RBFOX1: variants seen among roughly 807,000 people sequenced by gnomAD.
RBFOX1 encodes the protein RNA binding fox-1 homolog 1.
Under a neutral mutation model 57.7 loss-of-function variants are expected in RBFOX1, and 8 were observed. That is an observed-to-expected ratio of 0.14 (90% CI 0.08 to 0.25). The LOEUF (loss-of-function observed/expected upper bound fraction) is 0.25, where lower values mean the gene tolerates loss of function less well. RBFOX1 is among the 10% of genes least tolerant of loss of function. The probability of loss-of-function intolerance (pLI) is 1.00; values close to 1 mark genes in which losing one functional copy is unlikely to be tolerated. For synonymous variants in RBFOX1, 326 were observed against 222.4 expected, an observed-to-expected ratio of 1.47 and a Z score of -4.15; for missense variants, 611 against 548.5, an observed-to-expected ratio of 1.11 and a Z score of -1.14.
intron 1 of RBFOX1, among the ~76,000 whole-genome samples, chr16:6,122,613 C>A (rs2096559315): frequency 6.6e-6 from 1 of 152,166 alleles, no homozygotes; most frequent in Admixed American, 6.5e-5. Context: ...CACCCGCTCC[C>A]CATTAATGAT....
chr16:7,304,625 A>T (rs1354305982), intron 4 of RBFOX1: 4 of 974,502 alleles, frequency 4.1e-6, no homozygotes, highest in Non-Finnish European at 2.4e-6. Context: ...GGGTGGATGG[A>T]AGCCTCCTGC....
intron 2 of RBFOX1, among the ~76,000 whole-genome samples, chr16:5,560,875 C>A (rs1275164790): frequency 6.6e-6 from 1 of 152,188 alleles, no homozygotes; most frequent in African/African-American, 2.4e-5. Flanking sequence ...CTGAAGGCAG[C>A]CCTGGTGCCT....
chr16:6,682,117 C>T (rs2058738472), intron 3 of RBFOX1, among the ~76,000 whole-genome samples: 1 of 152,156 alleles, frequency 6.6e-6, no homozygotes, highest in Non-Finnish European at 1.5e-5. Flanking sequence ...TCTTCCTGGG[C>T]AATAGTGAAG....
intron 3 of RBFOX1, among the ~76,000 whole-genome samples, chr16:5,772,988 A>G (rs1246137699): frequency 6.6e-6 from 1 of 152,196 alleles, no homozygotes; most frequent in Non-Finnish European, 1.5e-5. Context: ...GGTGTGTTCC[A>G]GGAAGCCTTC....
chr16:6,099,193 C>G (rs543586942), intron 1 of RBFOX1, among the ~76,000 whole-genome samples: 1 of 152,076 alleles, frequency 6.6e-6, no homozygotes, highest in Admixed American at 6.6e-5. Flanking sequence ...TTGGTTCAGT[C>G]AAAATGAAAA....
intron 2 of RBFOX1, among the ~76,000 whole-genome samples, chr16:6,554,785 CACACACAGACACACACAGATAA>C (rs1351173950): frequency 1.4e-5 from 2 of 145,812 alleles, no homozygotes; most frequent in South Asian, 2.4e-4. Flanking sequence ...TACACAGACA[CACACACAGACACACACAGATAA>C]ACACACAGAC....
intron 1 of RBFOX1, among the ~76,000 whole-genome samples, chr16:6,155,757 G>A (rs1034567275): frequency 1.1e-4 from 16 of 152,124 alleles, no homozygotes; most frequent in African/African-American, 3.1e-4. Flanking sequence ...TAACAGCGGC[G>A]GCTTCCATGT....
intron 4 of RBFOX1, among the ~76,000 whole-genome samples, chr16:7,430,298 C>G (rs573035005): frequency 5.3e-5 from 8 of 152,082 alleles, no homozygotes; most frequent in Non-Finnish European, 1.2e-4. Context: ...TATGCAATTC[C>G]CAAAAGCAAA....
chr16:6,192,604 C>T (rs1256216826), intron 1 of RBFOX1, among the ~76,000 whole-genome samples: 1 of 152,102 alleles, frequency 6.6e-6, no homozygotes, highest in Non-Finnish European at 1.5e-5. Flanking sequence ...AAATGGTATG[C>T]AAACTTCAGA....
intron 4 of RBFOX1, among the ~76,000 whole-genome samples, chr16:7,384,452 T>G (rs1273388620): frequency 6.6e-6 from 1 of 152,160 alleles, no homozygotes; most frequent in Non-Finnish European, 1.5e-5. Flanking sequence ...GGAGCTGATA[T>G]TGAAGAGCTG....
intron 3 of RBFOX1, among the ~76,000 whole-genome samples, chr16:6,699,389 A>G (rs1220559536): frequency 1.3e-5 from 2 of 152,010 alleles, no homozygotes; most frequent in Non-Finnish European, 2.9e-5. Flanking sequence ...TTTTTTATGC[A>G]AAAGTGGTGT....
intron 2 of RBFOX1, among the ~76,000 whole-genome samples, chr16:6,330,107 T>A (rs2082835721): frequency 6.6e-6 from 1 of 152,204 alleles, no homozygotes; most frequent in East Asian, 1.9e-4. Context: ...CAATAATGTA[T>A]GTCTGTAGTT....
chr16:5,273,058 G>A (rs540480881), intron 1 of RBFOX1, among the ~76,000 whole-genome samples: 1 of 152,116 alleles, frequency 6.6e-6, no homozygotes, highest in Non-Finnish European at 1.5e-5. Flanking sequence ...CTGCCACCGG[G>A]GAGAAATGCT....
At chr16:5,845,886 A>G (rs539599369) in intron 3 of RBFOX1, among the ~76,000 whole-genome samples, 1 of 152,276 alleles carries the variant, frequency 6.6e-6, no homozygotes, top group African/African-American at 2.4e-5. Flanking sequence ...ATTTTGTGAG[A>G]AAATGGCCTG....
intron 1 of RBFOX1, among the ~76,000 whole-genome samples, chr16:5,393,885 C>A (rs1215620435): frequency 6.6e-6 from 1 of 152,184 alleles, no homozygotes. Flanking sequence ...ATTCACGTTT[C>A]CCCCTAAGCC....
At chr16:5,860,544 A>G (rs1400934495) in intron 3 of RBFOX1, among the ~76,000 whole-genome samples, 2 of 152,150 alleles carry the variant, frequency 1.3e-5, no homozygotes, top group South Asian at 2.1e-4. Flanking sequence ...GAGAAGGGGA[A>G]TGCAGTGTTT....
chr16:6,423,238 C>A (rs1376894493), intron 2 of RBFOX1, among the ~76,000 whole-genome samples: 1 of 152,176 alleles, frequency 6.6e-6, no homozygotes, highest in Non-Finnish European at 1.5e-5. Context: ...TTTGTTCGGC[C>A]TTCCGCAAGC....
chr16:6,088,620 G>A (rs2096124047), intron 1 of RBFOX1, among the ~76,000 whole-genome samples: 1 of 151,644 alleles, frequency 6.6e-6, no homozygotes, highest in Non-Finnish European at 1.5e-5. Flanking sequence ...AAACTAGATA[G>A]AATGGTGGAA....
At chr16:7,413,155 C>G (rs1421571750) in intron 4 of RBFOX1, among the ~76,000 whole-genome samples, 2 of 152,232 alleles carry the variant, frequency 1.3e-5, no homozygotes, top group Admixed American at 6.5e-5. Context: ...GGTCACAAGC[C>G]TCCCTGATGA....
Sources: gnomAD v4.1 joint callset for allele counts (sites outside exome capture counted in the v4.1 genomes callset) on GRCh38, gnomAD v4.1.1 for gene constraint, MANE v1.5 for transcripts, NCBI Gene and HGNC (gene_info 2026-07-23, HGNC 2026-07-21) for gene names.